GRXCR2: variants seen among roughly 807,000 people sequenced by gnomAD.
GRXCR2 encodes the protein glutaredoxin and cysteine rich domain containing 2.
In GRXCR2, 23 loss-of-function variants were observed where a neutral mutation model predicts 24.8. The observed-to-expected ratio is 0.93, with a 90% confidence interval of 0.67 to 1.32. GRXCR2 has a LOEUF of 1.32. Ranked by LOEUF, GRXCR2 falls within the 40% of genes most tolerant of loss-of-function variation. GRXCR2 has a pLI of 0.00. For synonymous variants in GRXCR2, 130 were observed against 116.1 expected, an observed-to-expected ratio of 1.12 and a Z score of -0.77; for missense variants, 315 against 303.4, an observed-to-expected ratio of 1.04 and a Z score of -0.28.
At chr5:145,919,889 G>T (rs547791696) in intron 2 of GRXCR2, among the ~76,000 whole-genome samples, 17 of 152,276 alleles carry the variant, frequency 1.1e-4, no homozygotes, top group African/African-American at 3.8e-4. Context: ...TCAACACATA[G>T]TACAGGGTCT....
intron 2 of GRXCR2, among the ~76,000 whole-genome samples, chr5:145,893,949 C>A (rs1756909313): frequency 6.6e-6 from 1 of 152,162 alleles, no homozygotes; most frequent in African/African-American, 2.4e-5. Flanking sequence ...GACCACAGTG[C>A]AATCAAACTA....
chr5:145,885,400 G>A (rs1463885077), intron 2 of GRXCR2, among the ~76,000 whole-genome samples: 2 of 152,084 alleles, frequency 1.3e-5, no homozygotes. Context: ...CCTCCAGAGT[G>A]GGCGTTTCAT....
At chr5:145,858,206 C>G (rs1756269597), downstream of GRXCR2, among the ~76,000 whole-genome samples, 1 of 151,046 alleles carries the variant, frequency 6.6e-6, no homozygotes, top group Non-Finnish European at 1.5e-5. Flanking sequence ...CCCAGCTACT[C>G]AGGAGGCGGA....
intron 2 of GRXCR2, among the ~76,000 whole-genome samples, chr5:145,927,947 C>T (rs1426482011): frequency 6.6e-6 from 1 of 152,080 alleles, no homozygotes; most frequent in Non-Finnish European, 1.5e-5. Context: ...AAAGAAACTA[C>T]CATCAGAGTA....
intron 2 of GRXCR2, among the ~76,000 whole-genome samples, chr5:145,892,855 G>A (rs1046665215): frequency 7.2e-5 from 11 of 152,116 alleles, no homozygotes; most frequent in African/African-American, 2.4e-4. Context: ...TTAAAATGAA[G>A]GAAAAAATGT....
intron 1 of GRXCR2, among the ~76,000 whole-genome samples, chr5:145,869,001 C>T (rs1756479716): frequency 6.6e-6 from 1 of 152,218 alleles, no homozygotes; most frequent in Admixed American, 6.5e-5. Flanking sequence ...TACTAGTGCA[C>T]AGAATGGCAA....
intron 1 of GRXCR2, among the ~76,000 whole-genome samples, chr5:145,868,111 A>T (rs568826460): frequency 6.6e-6 from 1 of 152,294 alleles, no homozygotes; most frequent in East Asian, 1.9e-4. Context: ...GGGAGGTACC[A>T]CGAAAAACAT....
chr5:145,893,827 T>A (rs1756907390), intron 2 of GRXCR2, among the ~76,000 whole-genome samples: 1 of 152,282 alleles, frequency 6.6e-6, no homozygotes, highest in East Asian at 1.9e-4. Context: ...CAAGAGAACA[T>A]GCATTCTTTT....
At chr5:145,867,574 C>A (rs1756458258) in intron 1 of GRXCR2, among the ~76,000 whole-genome samples, 1 of 152,106 alleles carries the variant, frequency 6.6e-6, no homozygotes, top group South Asian at 2.1e-4. Flanking sequence ...CAGGAATAAA[C>A]CTGGACAATA....
intron 2 of GRXCR2, among the ~76,000 whole-genome samples, chr5:145,904,895 T>C (rs1757069762): frequency 1.3e-5 from 2 of 152,144 alleles, no homozygotes; most frequent in Admixed American, 1.3e-4. Flanking sequence ...GGGCGCATGG[T>C]TCTTCTCCCC....
rs191319863 is a variant in GRXCR2 at position 145,903,893 on chromosome 5, C to T, written c.-70+31808G>A. ...GTTCTGGGAAATTTCACAAAAATTG[C>T]TTTTGAATTATCTAAAGAGCCACAA... On this transcript the variant is annotated intron_variant, in intron 2 of 3. Coordinates refer to the GRXCR2 transcript ENST00000639411. Among the ~76,000 whole-genome samples, 9 of 152,224 alleles carry T rather than the reference C, an allele frequency of 5.9e-5. 1 individual carries two copies. The highest frequency in any genetic ancestry group is 9.6e-5 in the African/African-American group (4 of 41,538).
At chr5:145,912,990 A>T (rs1389934537) in intron 2 of GRXCR2, among the ~76,000 whole-genome samples, 5 of 152,242 alleles carry the variant, frequency 3.3e-5, no homozygotes, top group African/African-American at 4.8e-5. Context: ...GGTCAAATGG[A>T]TTGTTGAGTG....
intron 2 of GRXCR2, among the ~76,000 whole-genome samples, chr5:145,887,158 C>T (rs576574431): frequency 3.2e-4 from 49 of 152,308 alleles, no homozygotes; most frequent in African/African-American, 1.1e-3. Flanking sequence ...TGCAGTAGCA[C>T]GATCGTAGCT....
chr5:145,880,193 C>T lies in GRXCR2; in HGVS notation c.-69-13465G>A, dbSNP rs138053568. ...CCAGAAGGCAAGAAATAACTAAGAT[C>T]AGAGCAGAACTGAGAGAGATAGAGA... On this transcript the variant is annotated intron_variant, in intron 2 of 3. Transcript: ENST00000639411. 6.1e-3 allele frequency among the ~76,000 whole-genome samples: 930 copies of T among 152,156 alleles called. 7 individuals are homozygous for T. Among genetic ancestry groups the T allele is most frequent in the South Asian group, 0.023 (112 of 4,820 alleles).
chr5:145,875,672 A>G (rs1756601663), upstream of GRXCR2, among the ~76,000 whole-genome samples: 1 of 152,110 alleles, frequency 6.6e-6, no homozygotes, highest in Non-Finnish European at 1.5e-5. Context: ...AATAGGTGGG[A>G]GAGAAGAACT....
chr5:145,864,073 A>AG (rs1561675246), intron 2 of GRXCR2, among the ~76,000 whole-genome samples: 1 of 152,124 alleles, frequency 6.6e-6, no homozygotes, highest in Non-Finnish European at 1.5e-5. Flanking sequence ...AACTCTGATG[A>AG]GGGGTGTAAG....
At chr5:145,917,701 C>T (rs1475257468) in intron 2 of GRXCR2, among the ~76,000 whole-genome samples, 2 of 152,290 alleles carry the variant, frequency 1.3e-5, no homozygotes, top group South Asian at 2.1e-4. Flanking sequence ...CATGGACTAG[C>T]CTCAAGAGTA....
At chr5:145,916,483 A>G (rs1400498993) in intron 2 of GRXCR2, among the ~76,000 whole-genome samples, 1 of 152,180 alleles carries the variant, frequency 6.6e-6, no homozygotes, top group East Asian at 1.9e-4. Flanking sequence ...CCCCAGGCTG[A>G]ACCCTGAGGG....
chr5:145,911,709 G>A (rs936146276), intron 2 of GRXCR2, among the ~76,000 whole-genome samples: 10 of 152,170 alleles, frequency 6.6e-5, no homozygotes, highest in South Asian at 4.2e-4. Context: ...CCTTTAATTC[G>A]TTCAGAAGGG....
Sources: gnomAD v4.1 joint callset for allele counts (sites outside exome capture counted in the v4.1 genomes callset) on GRCh38, gnomAD v4.1.1 for gene constraint, MANE v1.5 for transcripts, NCBI Gene and HGNC (gene_info 2026-07-23, HGNC 2026-07-21) for gene names.